MDGA2: variants seen among roughly 807,000 people sequenced by gnomAD.
MDGA2 encodes the protein MAM domain-containing glycosylphosphatidylinositol anchor protein 2.
In MDGA2, 40 loss-of-function variants were observed where a neutral mutation model predicts 117.8. That is an observed-to-expected ratio of 0.34 (90% CI 0.26 to 0.44). The LOEUF is 0.44. Among genes scored for constraint, MDGA2 ranks in the 20% least tolerant of loss-of-function variants. The pLI is 1.00. For synonymous variants in MDGA2, 452 were observed against 439.0 expected, an observed-to-expected ratio of 1.03 and a Z score of -0.37; for missense variants, 1,123 against 1,250.6, an observed-to-expected ratio of 0.90 and a Z score of 1.54.
At chr14:47,174,366 C>T (rs1426030582) in intron 3 of MDGA2, among the ~76,000 whole-genome samples, 1 of 152,176 alleles carries the variant, frequency 6.6e-6, no homozygotes, top group East Asian at 1.9e-4. Flanking sequence ...CACCACACCA[C>T]ACCTATTCCA....
At chr14:47,628,354 G>A (rs1461784827) in intron 1 of MDGA2, among the ~76,000 whole-genome samples, 1 of 152,166 alleles carries the variant, frequency 6.6e-6, no homozygotes, top group Non-Finnish European at 1.5e-5. Context: ...GTTCCATGAG[G>A]TCTGAGAACA....
chr14:47,437,840 G>A lies in MDGA2; in HGVS notation c.281-136290C>T, dbSNP rs142115289. On this transcript the variant is annotated intron_variant, in intron 1 of 16. Transcript: ENST00000399232. The stretch of plus-strand genomic sequence containing the variant: ...ACTGTAGGAGTAATTTGCTGAATAA[G>A]CCTCATTAATGAGCTCTAGCACTAG... Among the ~76,000 whole-genome samples the A allele has an allele frequency of 2.6e-3, 390 of 152,264 alleles. 1 individual carries two copies. Among genetic ancestry groups the A allele is most frequent in the Non-Finnish European group, 3.5e-3 (235 of 68,020 alleles).
intron 1 of MDGA2, among the ~76,000 whole-genome samples, chr14:47,653,154 A>C (rs1023853833): frequency 7.9e-5 from 12 of 152,172 alleles, no homozygotes; most frequent in Non-Finnish European, 1.2e-4. Context: ...AAATTGCCAC[A>C]GTTAAGGTCT....
chr14:47,513,837 C>CA (rs1894695122), intron 1 of MDGA2, among the ~76,000 whole-genome samples: 1 of 152,102 alleles, frequency 6.6e-6, no homozygotes, highest in Non-Finnish European at 1.5e-5. Flanking sequence ...GTAAGTAACT[C>CA]ACATATGAAT....
At chr14:47,287,791 C>A (rs1405481680) in intron 2 of MDGA2, among the ~76,000 whole-genome samples, 1 of 152,114 alleles carries the variant, frequency 6.6e-6, no homozygotes. Context: ...GCAGGTATAA[C>A]TAGTTGAGAT....
chr14:47,621,431 C>A (rs1377016626), intron 1 of MDGA2, among the ~76,000 whole-genome samples: 1 of 151,926 alleles, frequency 6.6e-6, no homozygotes, highest in Non-Finnish European at 1.5e-5. Context: ...TTCAAATGAT[C>A]CTCCCACGCC....
At chr14:47,240,784 T>C (rs2139603928) in intron 2 of MDGA2, among the ~76,000 whole-genome samples, 1 of 152,062 alleles carries the variant, frequency 6.6e-6, no homozygotes, top group Non-Finnish European at 1.5e-5. Flanking sequence ...AAATTGCTGT[T>C]GCCCTCTCCT....
intron 2 of MDGA2, among the ~76,000 whole-genome samples, chr14:47,265,784 C>A (rs1207965484): frequency 1.3e-5 from 2 of 152,086 alleles, no homozygotes; most frequent in Non-Finnish European, 2.9e-5. Flanking sequence ...ACATTAGAGG[C>A]CTTCCATGTT....
intron 10 of MDGA2, among the ~76,000 whole-genome samples, chr14:46,899,057 A>G (rs1883187316): frequency 6.6e-6 from 1 of 152,042 alleles, no homozygotes; most frequent in Non-Finnish European, 1.5e-5. Flanking sequence ...CGCTAATGGA[A>G]AGGGGATTAT....
At chr14:47,622,740 C>T (rs1271682382) in intron 1 of MDGA2, among the ~76,000 whole-genome samples, 1 of 152,108 alleles carries the variant, frequency 6.6e-6, no homozygotes, top group Non-Finnish European at 1.5e-5. Flanking sequence ...TGTAAAATGT[C>T]ATCAGAATGG....
In MDGA2 at chr14:47,590,340, T is replaced by C. The variant is rs537780194; in HGVS notation, c.280+84177A>G. ...TTAGACATTTCAGGAGATGTAGTTATCACTTATTAGTAGAAATAAAAGACC... is the reference window on the plus strand; with the variant it reads ...TTAGACATTTCAGGAGATGTAGTTACCACTTATTAGTAGAAATAAAAGACC... On this transcript the variant is annotated intron_variant, in intron 1 of 16. Transcript: ENST00000399232. 6.6e-5 allele frequency among the ~76,000 whole-genome samples: 10 copies of C among 151,964 alleles called. No homozygotes were observed. The South Asian group carries it at 2.1e-3, about 32-fold the overall frequency.
intron 8 of MDGA2, among the ~76,000 whole-genome samples, chr14:47,016,825 C>T (rs1238204885): frequency 6.6e-6 from 1 of 151,962 alleles, no homozygotes; most frequent in Non-Finnish European, 1.5e-5. Flanking sequence ...TGTTAATCCA[C>T]CTCGTATAGA....
At chr14:46,967,456 T>C (rs903646633) in intron 8 of MDGA2, among the ~76,000 whole-genome samples, 1 of 152,172 alleles carries the variant, frequency 6.6e-6, no homozygotes, top group Non-Finnish European at 1.5e-5. Flanking sequence ...GGAGTTAGAG[T>C]ATTAGGTCAG....
At chr14:47,073,056 A>G (rs1013805188) in intron 6 of MDGA2, among the ~76,000 whole-genome samples, 1 of 152,168 alleles carries the variant, frequency 6.6e-6, no homozygotes, top group South Asian at 2.1e-4. Flanking sequence ...AAAAACACTT[A>G]TTATTTCCAG....
chr14:47,021,423 C>A (rs1044990037), intron 8 of MDGA2, among the ~76,000 whole-genome samples: 1 of 152,066 alleles, frequency 6.6e-6, no homozygotes, highest in Admixed American at 6.6e-5. Context: ...TTATATATAG[C>A]AAGAATTGCT....
At chr14:46,989,099 T>A (rs1886979994) in intron 8 of MDGA2, among the ~76,000 whole-genome samples, 1 of 152,138 alleles carries the variant, frequency 6.6e-6, no homozygotes, top group South Asian at 2.1e-4. Context: ...TTACATGCAC[T>A]CATAATTCTC....
intron 10 of MDGA2, among the ~76,000 whole-genome samples, chr14:46,898,716 G>T (rs1883174673): frequency 6.6e-6 from 1 of 152,034 alleles, no homozygotes; most frequent in African/African-American, 2.4e-5. Flanking sequence ...GAAAATAAGA[G>T]ATTTATTTAC....
intron 1 of MDGA2, among the ~76,000 whole-genome samples, chr14:47,431,433 T>G (rs750400218): frequency 1.3e-5 from 2 of 152,036 alleles, no homozygotes; most frequent in African/African-American, 4.8e-5. Flanking sequence ...TGGAATGCTA[T>G]GGGACTCATA....
At chr14:47,338,914 C>T (rs1363780394) in intron 1 of MDGA2, among the ~76,000 whole-genome samples, 1 of 152,006 alleles carries the variant, frequency 6.6e-6, no homozygotes, top group African/African-American at 2.4e-5. Flanking sequence ...ATGTACAGTC[C>T]TTTCTAACTG....
Sources: allele counts gnomAD v4.1 joint callset (sites outside exome capture counted in the v4.1 genomes callset), GRCh38; gene constraint gnomAD v4.1.1; transcripts MANE v1.5; gene names NCBI Gene and HGNC (gene_info 2026-07-23, HGNC 2026-07-21).